Variants in PPARGC1A observed in about 807,000 individuals in gnomAD.
The protein encoded by PPARGC1A is PPARG coactivator 1 alpha.
Under a neutral mutation model 88.7 loss-of-function variants are expected in PPARGC1A, and 25 were observed. The ratio of observed to expected loss-of-function variants is 0.28; its 90% CI spans 0.21 to 0.39. The LOEUF is 0.39. Ranked by LOEUF, PPARGC1A falls within the 10% of genes least tolerant of loss-of-function variation. PPARGC1A has a pLI of 1.00. For missense variants in PPARGC1A, 880 were observed against 968.7 expected, an observed-to-expected ratio of 0.91 and a Z score of 1.22; for synonymous variants, 363 against 355.6, an observed-to-expected ratio of 1.02 and a Z score of -0.24.
the PPARGC1A span, among the ~76,000 whole-genome samples, chr4:24,148,532 A>T: frequency 6.6e-6 from 1 of 152,190 alleles, no homozygotes; most frequent in East Asian, 1.9e-4. Flanking sequence ...ATATTATAAG[A>T]TGTAAGCAAC....
At chr4:24,056,838 G>A in the PPARGC1A span, among the ~76,000 whole-genome samples, 1 of 152,206 alleles carries the variant, frequency 6.6e-6, no homozygotes, top group Non-Finnish European at 1.5e-5. Flanking sequence ...TGGGCCCCTT[G>A]TGCACTATTG....
At chr4:23,920,193 G>A in the PPARGC1A span, among the ~76,000 whole-genome samples, 1 of 152,136 alleles carries the variant, frequency 6.6e-6, no homozygotes, top group Non-Finnish European at 1.5e-5. Flanking sequence ...AACATAAAAT[G>A]TTCAAAGGAA....
the PPARGC1A span, among the ~76,000 whole-genome samples, chr4:24,146,315 A>C: frequency 6.6e-6 from 1 of 152,256 alleles, no homozygotes; most frequent in Middle Eastern, 3.2e-3. Flanking sequence ...TTCATTACTT[A>C]GCATTAATCA....
the PPARGC1A span, among the ~76,000 whole-genome samples, chr4:24,373,408 G>T: frequency 6.6e-6 from 1 of 152,152 alleles, no homozygotes; most frequent in African/African-American, 2.4e-5. Context: ...TTCAAAATTA[G>T]CTTTTCCCTA....
At chr4:24,148,577 G>A in the PPARGC1A span, among the ~76,000 whole-genome samples, 11 of 152,288 alleles carry the variant, frequency 7.2e-5, no homozygotes, top group South Asian at 6.2e-4. Context: ...CTAGCAAGAT[G>A]AAAAGAAACT....
the PPARGC1A span, among the ~76,000 whole-genome samples, chr4:24,190,872 C>T: frequency 6.6e-6 from 1 of 152,194 alleles, no homozygotes; most frequent in Non-Finnish European, 1.5e-5. Context: ...CAGCTGCAGC[C>T]CCTCAAGAGG....
chr4:23,809,641 G>T (rs1299163182), intron 10 of PPARGC1A, among the ~76,000 whole-genome samples: 1 of 152,066 alleles, frequency 6.6e-6, no homozygotes, highest in Admixed American at 6.6e-5. Context: ...TATTGTATTG[G>T]TCTCAACATG....
At chr4:23,849,610 G>T (rs1199931515) in intron 2 of PPARGC1A, among the ~76,000 whole-genome samples, 9 of 152,022 alleles carry the variant, frequency 5.9e-5, no homozygotes, top group Non-Finnish European at 1.5e-5. Context: ...AAGAAAAAAT[G>T]GATTTATCTT....
chr4:23,923,662 T>C, the PPARGC1A span, among the ~76,000 whole-genome samples: 1 of 152,218 alleles, frequency 6.6e-6, no homozygotes, highest in African/African-American at 2.4e-5. Context: ...CTGATATGCA[T>C]ATATTTAGAA....
At chr4:24,102,927 A>C in the PPARGC1A span, among the ~76,000 whole-genome samples, 1 of 152,248 alleles carries the variant, frequency 6.6e-6, no homozygotes, top group South Asian at 2.1e-4. Context: ...TTAGAAACCA[A>C]ATTAAGCCAA....
chr4:24,437,594 T>TTTGTTGTTG, the PPARGC1A span, among the ~76,000 whole-genome samples: 141 of 143,844 alleles, frequency 9.8e-4, no homozygotes, highest in Middle Eastern at 3.5e-3. Context: ...GCACAGGTTT[T>TTTGTTGTTG]TTGTTGTTGT....
the PPARGC1A span, among the ~76,000 whole-genome samples, chr4:24,105,385 G>A: frequency 6.6e-6 from 1 of 152,110 alleles, no homozygotes. Flanking sequence ...TGAAAAGCTA[G>A]GGGGAGGTAT....
intron 7 of PPARGC1A, 122 bp downstream of exon 7, chr4:23,824,158 T>C: frequency 1.3e-6 from 1 of 794,566 alleles, no homozygotes; most frequent in Middle Eastern, 2.6e-4. Context: ...TAACTTCTTA[T>C]CCAATTTTGT....
the PPARGC1A span, among the ~76,000 whole-genome samples, chr4:24,004,199 C>T: frequency 6.6e-6 from 1 of 152,138 alleles, no homozygotes; most frequent in African/African-American, 2.4e-5. Context: ...ACAGGCAAGT[C>T]TCTGGTGCTC....
chr4:24,141,396 T>A, the PPARGC1A span, among the ~76,000 whole-genome samples: 1 of 152,234 alleles, frequency 6.6e-6, no homozygotes, highest in East Asian at 1.9e-4. Flanking sequence ...ATCATCAGCG[T>A]TGACTCTATG....
chr4:24,012,092 C>T, the PPARGC1A span, among the ~76,000 whole-genome samples: 195 of 152,260 alleles, frequency 1.3e-3, 1 homozygote, highest in African/African-American at 4.0e-3. Context: ...ATAATATTCA[C>T]TTAGAAACTA....
chr4:24,399,926 C>T, the PPARGC1A span, among the ~76,000 whole-genome samples: 465 of 152,050 alleles, frequency 3.1e-3, 4 homozygotes, highest in African/African-American at 0.011. Flanking sequence ...GCTGGAATTA[C>T]AGGCACACAC....
chr4:24,255,162 T>A, the PPARGC1A span, among the ~76,000 whole-genome samples: 2 of 152,208 alleles, frequency 1.3e-5, no homozygotes, highest in African/African-American at 2.4e-5. Context: ...ACAAATTACA[T>A]ATTTTCAATG....
At chr4:24,068,842 C>T in the PPARGC1A span, among the ~76,000 whole-genome samples, 3 of 152,174 alleles carry the variant, frequency 2.0e-5, no homozygotes, top group Non-Finnish European at 4.4e-5. Context: ...AGTTCACTCT[C>T]ATCATGGACC....
Sources: allele counts gnomAD v4.1 joint callset (sites outside exome capture counted in the v4.1 genomes callset), GRCh38; gene constraint gnomAD v4.1.1; transcripts MANE v1.5; gene names NCBI Gene and HGNC (gene_info 2026-07-23, HGNC 2026-07-21).